MAGI1: variants seen among roughly 807,000 people sequenced by gnomAD.
MAGI1 encodes the protein membrane associated guanylate kinase, WW and PDZ domain containing 1.
Under a neutral mutation model 139.9 loss-of-function variants are expected in MAGI1, and 58 were observed. The ratio of observed to expected loss-of-function variants is 0.41; its 90% CI spans 0.34 to 0.52. The LOEUF (loss-of-function observed/expected upper bound fraction) is 0.52. Among genes scored for constraint, MAGI1 ranks in the 20% least tolerant of loss-of-function variants. The pLI, the probability that MAGI1 is intolerant of heterozygous loss-of-function variation, is 0.12. For missense variants in MAGI1, 1,874 were observed against 1,901.6 expected, an observed-to-expected ratio of 0.99 and a Z score of 0.27; for synonymous variants, 812 against 737.9, an observed-to-expected ratio of 1.10 and a Z score of -1.63.
chr3:66,008,170 C>G (rs1161183399), intron 1 of MAGI1, among the ~76,000 whole-genome samples: 1 of 151,948 alleles, frequency 6.6e-6, no homozygotes, highest in African/African-American at 2.4e-5. Flanking sequence ...GTGCTGGGAT[C>G]ATAGGTGTGA....
At chr3:65,359,634 A>G in intron 22 of MAGI1, 1 of 992,468 alleles carries the variant, frequency 1.0e-6, no homozygotes, top group Non-Finnish European at 1.2e-6. Flanking sequence ...AACATATTAT[A>G]ACCCATTTGT....
intron 1 of MAGI1, among the ~76,000 whole-genome samples, chr3:65,688,736 A>G (rs2107549109): frequency 6.6e-6 from 1 of 152,284 alleles, no homozygotes; most frequent in East Asian, 1.9e-4. Context: ...GAGGATACCA[A>G]CATATTTTCC....
At chr3:65,681,676 CTT>C (rs1201746825) in intron 1 of MAGI1, among the ~76,000 whole-genome samples, 1 of 152,174 alleles carries the variant, frequency 6.6e-6, no homozygotes, top group African/African-American at 2.4e-5. Flanking sequence ...AGCTATCTTG[CTT>C]TTAAACAAAG....
intron 1 of MAGI1, among the ~76,000 whole-genome samples, chr3:65,893,492 A>G (rs546999853): frequency 2.6e-5 from 4 of 152,338 alleles, no homozygotes; most frequent in Admixed American, 2.0e-4. Flanking sequence ...TTTAATAGAA[A>G]ATAATGACAA....
At chr3:65,904,557 C>T (rs1248148117) in intron 1 of MAGI1, among the ~76,000 whole-genome samples, 1 of 152,208 alleles carries the variant, frequency 6.6e-6, no homozygotes, top group Non-Finnish European at 1.5e-5. Context: ...TCATCCAACA[C>T]TCCAAGCTCT....
chr3:65,770,921 A>G (rs60978215), intron 1 of MAGI1, among the ~76,000 whole-genome samples: 88,790 of 151,588 alleles, frequency 0.59, 26,497 homozygotes, highest in Admixed American at 0.66. Context: ...TTGATCTCCT[A>G]ACCTCGTGAT....
chr3:65,440,037 C>T (rs762459273), intron 8 of MAGI1, 25 bp from the exon 9 acceptor site: 2 of 1,612,744 alleles, frequency 1.2e-6, no homozygotes, highest in Non-Finnish European at 1.7e-6. Flanking sequence ...AAATAGTATT[C>T]AGCTTGAAAC....
chr3:65,872,577 TGAAA>T (rs2059974828), intron 1 of MAGI1, among the ~76,000 whole-genome samples: 1 of 152,014 alleles, frequency 6.6e-6, no homozygotes, highest in Non-Finnish European at 1.5e-5. Context: ...GCCAAACAAA[TGAAA>T]GAAAGGAGTG....
chr3:65,729,595 T>G (rs1480300574), intron 1 of MAGI1, among the ~76,000 whole-genome samples: 1 of 149,528 alleles, frequency 6.7e-6, no homozygotes, highest in Admixed American at 6.7e-5. Context: ...CCTGCTTTAC[T>G]AAACATTACA....
chr3:65,603,378 C>A (rs1288586517), intron 2 of MAGI1, among the ~76,000 whole-genome samples: 1 of 151,978 alleles, frequency 6.6e-6, no homozygotes, highest in Non-Finnish European at 1.5e-5. Flanking sequence ...TCAAAGGGGA[C>A]AATGAAATTC....
intron 1 of MAGI1, among the ~76,000 whole-genome samples, chr3:65,923,428 T>TCTCTA (rs1560017896): frequency 6.6e-6 from 1 of 152,004 alleles, no homozygotes. Flanking sequence ...GGTTTCACCA[T>TCTCTA]GTTGGTCAGG....
chr3:65,439,897 G>C lies in MAGI1; in HGVS notation c.1252C>G (p.Gln418Glu). Reference sequence around the variant, plus strand: ...GGCCAACCTTCTGTCTGCTGCTGCTGCTGCTGCTGCTGCTGCTGTTGCTGC... The same window carrying C: ...GGCCAACCTTCTGTCTGCTGCTGCTCCTGCTGCTGCTGCTGCTGTTGCTGC... ...QQQQQQQQQQ[Q>E]QQQTEEWTED... The change falls in exon 9 of 23, where the codon CAG becomes GAG. Residue 418 changes from glutamine to glutamate, a missense_variant. Around this residue, in one of 5 missense-constraint regions of MAGI1, gnomAD observed 648 missense variants for 598.1 expected, o/e 1.08. Transcript: ENST00000402939. The C allele has an allele frequency of 1.2e-6, 2 of 1,606,476 alleles. No individual in the cohort carries two copies. Among genetic ancestry groups the C allele is most frequent in the Non-Finnish European group, 1.7e-6 (2 of 1,175,814 alleles).
At chr3:65,387,632 G>C (rs960877574) in intron 14 of MAGI1, among the ~76,000 whole-genome samples, 1 of 152,104 alleles carries the variant, frequency 6.6e-6, no homozygotes, top group Non-Finnish European at 1.5e-5. Context: ...ATCAAGTCCA[G>C]GATGAAATTC....
intron 5 of MAGI1, among the ~76,000 whole-genome samples, chr3:65,464,982 A>ATT (rs1950076273): frequency 6.9e-6 from 1 of 144,478 alleles, no homozygotes; most frequent in Admixed American, 6.9e-5. Flanking sequence ...ATATGCACAC[A>ATT]TTTTATATAT....
At chr3:65,557,630 T>C (rs1428130523) in intron 2 of MAGI1, among the ~76,000 whole-genome samples, 2 of 152,228 alleles carry the variant, frequency 1.3e-5, no homozygotes, top group Non-Finnish European at 2.9e-5. Flanking sequence ...TGTGGAATCT[T>C]GCTCCTTTTG....
chr3:66,022,946 C>G (rs1330021272), intron 1 of MAGI1, among the ~76,000 whole-genome samples: 2 of 152,170 alleles, frequency 1.3e-5, no homozygotes, highest in East Asian at 3.9e-4. Flanking sequence ...GAAATTTAAC[C>G]TGGGATCGCC....
chr3:65,834,436 T>G (rs1009697339), intron 1 of MAGI1, among the ~76,000 whole-genome samples: 1 of 152,252 alleles, frequency 6.6e-6, no homozygotes, highest in African/African-American at 2.4e-5. Flanking sequence ...TCCACTATGG[T>G]TGGAGAATAT....
chr3:65,474,218 T>C lies in MAGI1; in HGVS notation c.758-3734A>G, dbSNP rs557085091. Among the ~76,000 whole-genome samples, 11 of 152,292 alleles carry C rather than the reference T, an allele frequency of 7.2e-5. No homozygotes were observed. The South Asian group carries it at 1.7e-3, about 23-fold the overall frequency. On this transcript the variant is annotated intron_variant, in intron 4 of 22. Coordinates refer to ENST00000402939, the MANE Select transcript of MAGI1 (RefSeq NM_001033057.2). ...AGGTTGAAGCTGCAGTGAGCTGTGA[T>C]TGAGCCACTGCACTCCAGCCTGGGT...
In MAGI1 at chr3:65,430,709, C is replaced by T. The variant is rs767673510; in HGVS notation, c.1536G>A (p.Lys512=). ...VLDGPAALDG[K]METGDVIVSV... is the part of the protein sequence containing the mutation. Reference sequence around the variant, plus strand: ...CCATGTTGACGCTACCTGTTTCCATCTTGCCATCCAATGCAGCAGGACCAT... The same window carrying T: ...CCATGTTGACGCTACCTGTTTCCATTTTGCCATCCAATGCAGCAGGACCAT... Residue 512 remains lysine, a synonymous_variant, in exon 11 of 23, where the codon AAG becomes AAA. Coordinates refer to ENST00000402939, the MANE Select transcript of MAGI1 (RefSeq NM_001033057.2). 3.1e-6 allele frequency: 5 copies of T among 1,613,278 alleles called. No homozygotes were observed. Among genetic ancestry groups the T allele is most frequent in the Non-Finnish European group, 8.5e-7 (1 of 1,179,632 alleles).
Sources: allele counts gnomAD v4.1 joint callset (sites outside exome capture counted in the v4.1 genomes callset), GRCh38; gene constraint gnomAD v4.1.1; regional missense constraint gnomAD v4.1.1; transcripts MANE v1.5; gene names NCBI Gene and HGNC (gene_info 2026-07-23, HGNC 2026-07-21).